The following SYT9 variants were observed in gnomAD, a reference collection of about 807,000 sequenced individuals.
SYT9 encodes the protein synaptotagmin 9.
SYT9 carries 22 observed loss-of-function variants against 48.4 expected under a neutral mutation model. The ratio of observed to expected loss-of-function variants is 0.45; its 90% CI spans 0.32 to 0.65. The LOEUF (loss-of-function observed/expected upper bound fraction) is 0.65. Ranked by LOEUF, SYT9 falls within the 30% of genes least tolerant of loss-of-function variation. SYT9 has a pLI of 0.03. For missense variants in SYT9, 577 were observed against 622.0 expected (o/e 0.93, Z 0.77); for synonymous variants, 265 against 245.0 (o/e 1.08, Z -0.76).
chr11:7,445,622 C>T (rs1008839588), intron 6 of SYT9, among the ~76,000 whole-genome samples: 2 of 152,172 alleles, frequency 1.3e-5, no homozygotes, highest in Non-Finnish European at 2.9e-5. Context: ...CGCTGGCTGA[C>T]GGTGGGATAT....
chr11:7,413,743 C>T (rs1443260154), intron 3 of SYT9, among the ~76,000 whole-genome samples: 1 of 148,974 alleles, frequency 6.7e-6, no homozygotes, highest in African/African-American at 2.5e-5. Flanking sequence ...CACATAGCTG[C>T]CTGTTGTTTG....
At chr11:7,452,379 C>T (rs756572005) in intron 6 of SYT9, among the ~76,000 whole-genome samples, 6 of 152,150 alleles carry the variant, frequency 3.9e-5, no homozygotes, top group Non-Finnish European at 8.8e-5. Flanking sequence ...TGACTCTGTC[C>T]ACTGCTTCTT....
At chr11:7,355,746 A>G (rs1469463029) in intron 3 of SYT9, among the ~76,000 whole-genome samples, 1 of 152,252 alleles carries the variant, frequency 6.6e-6, no homozygotes, top group African/African-American at 2.4e-5. Flanking sequence ...ATAGACAGAA[A>G]GGAAGTCTTA....
intron 3 of SYT9, among the ~76,000 whole-genome samples, chr11:7,385,278 G>C (rs1443369273): frequency 2.6e-5 from 4 of 151,648 alleles, no homozygotes; most frequent in Non-Finnish European, 5.9e-5. Context: ...ACAAATAATT[G>C]CTTTCTGTAA....
chr11:7,374,381 C>T (rs1032334487), intron 3 of SYT9, among the ~76,000 whole-genome samples: 5 of 152,064 alleles, frequency 3.3e-5, no homozygotes, highest in East Asian at 1.9e-4. Context: ...AACAAACATA[C>T]GTGTGCATGT....
chr11:7,263,476 A>G (rs2119817100), intron 1 of SYT9, among the ~76,000 whole-genome samples: 1 of 152,312 alleles, frequency 6.6e-6, no homozygotes, highest in Non-Finnish European at 1.5e-5. Context: ...ACAAACATTC[A>G]GATCTTCACA....
chr11:7,301,132 C>G (rs1848911609), intron 1 of SYT9, among the ~76,000 whole-genome samples: 1 of 152,158 alleles, frequency 6.6e-6, no homozygotes, highest in African/African-American at 2.4e-5. Context: ...TTCTTATTTT[C>G]CATTGCTTAT....
chr11:7,418,089 A>G lies in SYT9; in HGVS notation c.1298A>G (p.Asp433Gly), dbSNP rs1847285365. The G allele has an allele frequency of 6.2e-7, 1 of 1,613,942 alleles. No individual in the cohort carries two copies. The highest frequency in any genetic ancestry group is 8.5e-7 in the Non-Finnish European group (1 of 1,179,994). ...IVFDVPPENI[D>G]QIHLSIAVMD... ...TTTGATGTCCCTCCCGAGAACATTG[A>G]CCAAATCCACTTGTCCATAGCAGTC... Residue 433 changes from aspartate to glycine, a missense_variant, in exon 5 of 7, where the codon GAC becomes GGC. Physicochemically the swap from Asp to Gly is moderately conservative, Grantham distance 94. Coordinates refer to ENST00000318881, the MANE Select transcript of SYT9 (RefSeq NM_175733.4).
At chr11:7,415,356 A>G (rs1049673334) in intron 3 of SYT9, among the ~76,000 whole-genome samples, 1 of 152,156 alleles carries the variant, frequency 6.6e-6, no homozygotes, top group Admixed American at 6.5e-5. Flanking sequence ...TCCAGGGTCC[A>G]GTGGAGCCGT....
intron 3 of SYT9, among the ~76,000 whole-genome samples, chr11:7,360,298 T>A (rs1416907052): frequency 6.6e-6 from 1 of 152,236 alleles, no homozygotes; most frequent in Admixed American, 6.5e-5. Flanking sequence ...TGCCTCCAGC[T>A]TTGTTCTTTT....
intron 6 of SYT9, among the ~76,000 whole-genome samples, chr11:7,448,269 T>G (rs898576542): frequency 1.3e-5 from 2 of 152,244 alleles, no homozygotes; most frequent in African/African-American, 4.8e-5. Flanking sequence ...TCTGGTTCTA[T>G]CTGGGATTTA....
chr11:7,443,315 TAAG>T (rs890559006), intron 6 of SYT9, among the ~76,000 whole-genome samples: 2 of 152,156 alleles, frequency 1.3e-5, no homozygotes, highest in African/African-American at 4.8e-5. Context: ...GAAATAGACA[TAAG>T]AAAATAATTA....
intron 3 of SYT9, among the ~76,000 whole-genome samples, chr11:7,334,049 G>A (rs1002473174): frequency 2.0e-5 from 3 of 152,164 alleles, no homozygotes; most frequent in Non-Finnish European, 2.9e-5. Flanking sequence ...TAACATTGAA[G>A]CTGAGACAAA....
chr11:7,389,700 T>C (rs1369817187), intron 3 of SYT9, among the ~76,000 whole-genome samples: 1 of 152,122 alleles, frequency 6.6e-6, no homozygotes, highest in Admixed American at 6.6e-5. Context: ...GAAAGTATTC[T>C]AATTAACATC....
intron 3 of SYT9, among the ~76,000 whole-genome samples, chr11:7,388,643 G>A (rs992394932): frequency 2.0e-5 from 3 of 151,812 alleles, no homozygotes; most frequent in Admixed American, 6.6e-5. Flanking sequence ...TAATTTTTTA[G>A]CATTTTAAAT....
At chr11:7,390,047 C>T (rs1850733423) in intron 3 of SYT9, among the ~76,000 whole-genome samples, 1 of 152,174 alleles carries the variant, frequency 6.6e-6, no homozygotes, top group East Asian at 1.9e-4. Context: ...AGGTTTGTTA[C>T]ACAGGTATAC....
At chr11:7,379,579 G>A (rs1366341903) in intron 3 of SYT9, among the ~76,000 whole-genome samples, 2 of 152,070 alleles carry the variant, frequency 1.3e-5, no homozygotes, top group South Asian at 2.1e-4. Flanking sequence ...TTGGAATCAT[G>A]AAGAAGTTTA....
chr11:7,464,052 G>T (rs1164814628), intron 6 of SYT9, among the ~76,000 whole-genome samples: 1 of 152,190 alleles, frequency 6.6e-6, no homozygotes, highest in Admixed American at 6.5e-5. Context: ...AGGTACAGAG[G>T]TGGTCCCTAA....
chr11:7,402,934 G>A (rs1846924912), intron 3 of SYT9, among the ~76,000 whole-genome samples: 1 of 151,926 alleles, frequency 6.6e-6, no homozygotes, highest in Non-Finnish European at 1.5e-5. Context: ...CATTTTATCT[G>A]TAATAATGGC....
Sources: allele counts gnomAD v4.1 joint callset (sites outside exome capture counted in the v4.1 genomes callset), GRCh38; gene constraint gnomAD v4.1.1; transcripts MANE v1.5; gene names NCBI Gene and HGNC (gene_info 2026-07-23, HGNC 2026-07-21).